Variants in SCYL1 observed in about 807,000 individuals in gnomAD.
The protein encoded by SCYL1 is N-terminal kinase-like protein.
A neutral mutation model predicts 94.8 loss-of-function variants in SCYL1; 85 were observed. That is an observed-to-expected ratio of 0.90 (90% confidence interval 0.75 to 1.07). SCYL1 has a LOEUF of 1.07. SCYL1 is among the 50% of genes least tolerant of loss of function. The pLI is 0.00. For missense variants in SCYL1, 968 were observed against 1,083.3 expected (o/e 0.89, Z 1.49); for synonymous variants, 459 against 435.5 (o/e 1.05, Z -0.67).
chr11:65,526,655 G>T lies in SCYL1; in HGVS notation c.603-128G>T. 1 of 874,838 alleles carries T rather than the reference G, an allele frequency of 1.1e-6. No homozygotes were observed. The highest frequency in any genetic ancestry group is 1.8e-6 in the Non-Finnish European group (1 of 567,770). The allele number at this position is 874,838 out of a possible 1,614,324, so 54.2% of individuals were successfully genotyped here. On this transcript the variant is annotated intron_variant, in intron 4 of 17. Coordinates refer to ENST00000270176, the MANE Select transcript of SCYL1 (RefSeq NM_020680.4). This position sits in a 1 kb window ranked among gnomAD's most constrained non-coding sequence, Gnocchi z 4.1. The stretch of plus-strand genomic sequence containing the variant: ...GTGAGGCTAATGAAACCTGCCTCTT[G>T]GGACTGATGGCTCAGCTGAGGGACA...
At position 65,538,071 on chromosome 11, in the gene SCYL1, G is replaced by A. The variant is rs773118243; in HGVS notation, c.2136G>A (p.Gln712=). 11 of 1,608,594 alleles carry A rather than the reference G, an allele frequency of 6.8e-6. No homozygotes were observed. Among genetic ancestry groups the A allele is most frequent in the Non-Finnish European group, 8.5e-6 (10 of 1,178,088 alleles). Residue 712 remains glutamine (Q), a synonymous_variant, in exon 16 of 18, where the codon CAG becomes CAA. Transcript: ENST00000270176. ...AGGGCTGGCAGGAGCCAAGCTCCCAGGAGCCACCTCCTGACGGTACACGGC... is the reference window on the plus strand; with the variant it reads ...AGGGCTGGCAGGAGCCAAGCTCCCAAGAGCCACCTCCTGACGGTACACGGC... ...WEQGWQEPSS[Q]EPPPDGTRLA... is the part of the protein sequence containing the mutation.
intron 9 of SCYL1, among the ~76,000 whole-genome samples, chr11:65,534,475 T>A (rs534602046): frequency 7.6e-4 from 115 of 151,946 alleles, no homozygotes; most frequent in Non-Finnish European, 1.5e-3. Context: ...AACTGGAAGG[T>A]TAGGAGTTGC....
intron 8 of SCYL1, among the ~76,000 whole-genome samples, chr11:65,532,419 T>C (rs1855426623): frequency 7.4e-6 from 1 of 134,418 alleles, no homozygotes; most frequent in Non-Finnish European, 1.6e-5. Flanking sequence ...AGCAAGACTC[T>C]GTCTCAGAAA....
chr11:65,536,903 T>C (rs1855681242), intron 13 of SCYL1, 83 bp from the exon 14 acceptor site: 3 of 1,229,490 alleles, frequency 2.4e-6, no homozygotes, highest in South Asian at 1.3e-5. Flanking sequence ...TGGTGCCCCT[T>C]CCCCCCAGTA....
rs776706991 is a variant in SCYL1 at position 65,538,488 on chromosome 11, G to A, written c.2349G>A (p.Arg783=). The A allele has an allele frequency of 2.5e-6, 4 of 1,595,816 alleles. No individual in the cohort carries two copies. Among genetic ancestry groups the A allele is most frequent in the East Asian group, 2.3e-5 (1 of 43,930 alleles). ...CCCGGAAGAAGCGCGAGGAGCGGCG[G>A]CGGGAGATGGAGGCCAAACGCGCCG... ...ELARKKREER[R]REMEAKRAER... Residue 783 remains arginine, a synonymous_variant, in exon 18 of 18, where the codon CGG becomes CGA. Coordinates refer to ENST00000270176, the MANE Select transcript of SCYL1 (RefSeq NM_020680.4).
Position 65,526,405 on chromosome 11 carries a change from G to C in SCYL1, c.602+55G>C. ...CTGCCCTGTCCTGGAGGCCCCTGCA[G>C]CCTCAGGACTCCTAGACTAGTTGGC... On this transcript the variant is annotated intron_variant, in intron 4 of 17. Transcript: ENST00000270176. This position sits in a 1 kb window ranked among gnomAD's most constrained non-coding sequence, Gnocchi z 4.1. 1.4e-6 allele frequency: 2 copies of C among 1,398,524 alleles called. No individual in the cohort carries two copies. The highest frequency in any genetic ancestry group is 2.0e-6 in the Non-Finnish European group (2 of 1,021,648). 86.6% of individuals were successfully genotyped at this position (1,398,524 alleles called of 1,614,324 possible). A position where few individuals can be genotyped will look rare whatever the true frequency, so the allele number is the denominator to read the frequency against.
intron 7 of SCYL1, 40 bp from the exon 8 acceptor site, chr11:65,531,536 A>G: frequency 2.0e-6 from 3 of 1,496,196 alleles, no homozygotes; most frequent in Non-Finnish European, 2.8e-6. Flanking sequence ...AAGTCAGCCC[A>G]TTCCTGTGAG....
chr11:65,533,727 C>T (rs901129448), intron 9 of SCYL1, among the ~76,000 whole-genome samples: 9 of 152,062 alleles, frequency 5.9e-5, no homozygotes, highest in Non-Finnish European at 1.3e-4. Context: ...CTGCATTGAG[C>T]TGTGATCGTG....
intron 1 of SCYL1, 44 bp from the exon 2 acceptor site, chr11:65,525,530 A>G: frequency 1.3e-6 from 2 of 1,591,838 alleles, no homozygotes; most frequent in Non-Finnish European, 1.7e-6. Flanking sequence ...TTCCGGCCAC[A>G]CAACAGCTCT....
intron 6 of SCYL1, among the ~76,000 whole-genome samples, chr11:65,530,318 C>T (rs1855301267): frequency 6.6e-6 from 1 of 152,224 alleles, no homozygotes; most frequent in Non-Finnish European, 1.5e-5. Flanking sequence ...TGGCTGCTCT[C>T]CCAGCAACAG....
chr11:65,537,630 A>G (rs1855745461), intron 14 of SCYL1, among the ~76,000 whole-genome samples, 179 bp from the exon 15 acceptor site: 1 of 152,128 alleles, frequency 6.6e-6, no homozygotes, highest in African/African-American at 2.4e-5. Flanking sequence ...CCAGCCTTAA[A>G]GAGGGGTGAG....
intron 6 of SCYL1, among the ~76,000 whole-genome samples, chr11:65,530,100 T>G (rs1190337747): frequency 6.6e-6 from 1 of 152,052 alleles, no homozygotes; most frequent in Non-Finnish European, 1.5e-5. Flanking sequence ...GAGGATGAGG[T>G]CTGGGAGTAA....
chr11:65,530,625 C>G lies in SCYL1; in HGVS notation c.850-4C>G. The G allele has an allele frequency of 1.9e-6, 3 of 1,612,060 alleles. No individual in the cohort carries two copies. Among genetic ancestry groups the G allele is most frequent in the Non-Finnish European group, 2.5e-6 (3 of 1,178,894 alleles). Reference sequence around the variant, plus strand: ...TTCCCCGGGTCCCGTCCTCACTCCCCCAGATCAAAGAGCCAGCCGAGAAGC... The same window carrying G: ...TTCCCCGGGTCCCGTCCTCACTCCCGCAGATCAAAGAGCCAGCCGAGAAGC... On this transcript the variant is annotated splice_polypyrimidine_tract_variant and splice_region_variant and intron_variant, in intron 6 of 17. Transcript: ENST00000270176.
Position 65,536,241 on chromosome 11 carries a change from T to C in SCYL1, c.1576-18T>C, listed in dbSNP as rs1465260803. On this transcript the variant is annotated intron_variant, in intron 11 of 17. Coordinates refer to ENST00000270176, the MANE Select transcript of SCYL1 (RefSeq NM_020680.4). ...TTGGGAACCCCAGAGACCCCAGCTC[T>C]GCCTCGTTACCCCACAGGCCTTCAA... 6.2e-7 allele frequency: 1 copy of C among 1,612,334 alleles called. No homozygotes were observed. Among genetic ancestry groups the C allele is most frequent in the East Asian group, 2.2e-5 (1 of 44,818 alleles).
rs757610725 is a variant in SCYL1, at chr11:65,538,510, G to T, written c.2371G>T (p.Ala791Ser). Residue 791 changes from alanine (A) to serine (S), a missense_variant, in exon 18 of 18, where the codon GCC (alanine) becomes TCC (serine). Transcript: ENST00000270176. ...GCGGCGGGAGATGGAGGCCAAACGC[G>T]CCGAGAGGAAGGTGGCCAAGGGCCC... ...ERRREMEAKR[A>S]ERKVAKGPMK... 6.2e-7 allele frequency: 1 copy of T among 1,608,074 alleles called. No individual in the cohort carries two copies. Among genetic ancestry groups the T allele is most frequent in the East Asian group, 2.2e-5 (1 of 44,640 alleles).
intron 14 of SCYL1, 30 bp from the exon 15 acceptor site, chr11:65,537,779 G>T (rs1372755538): frequency 6.6e-7 from 1 of 1,526,656 alleles, no homozygotes; most frequent in Non-Finnish European, 8.8e-7. Flanking sequence ...AGCATGGGGT[G>T]GGAGTCAGTG....
Position 65,537,867 on chromosome 11 carries a change from G to A in SCYL1, c.2018G>A (p.Ser673Asn). The A allele has an allele frequency of 6.3e-7, 1 of 1,577,248 alleles. No homozygotes were observed. Among genetic ancestry groups the A allele is most frequent in the Non-Finnish European group, 8.6e-7 (1 of 1,161,224 alleles). ...GACTGGAGCACCGGGGGCCAAGTGA[G>A]CCGTGCTAGTCAGGTGAGCTGGGTC... is the stretch of plus-strand genomic sequence containing the variant. ...QDDWSTGGQV[S>N]RASQVSNSDH... Residue 673 changes from serine (S) to asparagine (N), a missense_variant, in exon 15 of 18, where the codon AGC becomes AAC. Physicochemically the swap from Ser to Asn is conservative, Grantham distance 46. This residue lies in a region of SCYL1 where 474 missense variants were observed against 463.6 expected (regional missense o/e 1.02). Coordinates refer to ENST00000270176, the MANE Select transcript of SCYL1 (RefSeq NM_020680.4).
In SCYL1 at chr11:65,535,994, T is replaced by C. The variant is rs1482974379; in HGVS notation, c.1428T>C (p.Thr476=). ...TTACCTCTGCCTTCAGCCGAGCCAC[T>C]AGGGACCCGTTTGCACCGTCCCGGG... ...RVLTSAFSRA[T]RDPFAPSRVA... Residue 476 remains threonine (T), a synonymous_variant, in exon 11 of 18, where the codon ACT becomes ACC. Transcript: ENST00000270176. 6 of 1,612,134 alleles carry C rather than the reference T, an allele frequency of 3.7e-6. No homozygotes were observed. The highest frequency in any genetic ancestry group is 3.4e-5 in the Admixed American group (2 of 59,610).
chr11:65,525,427 G>A (rs1043821525), intron 1 of SCYL1, 147 bp from the exon 2 acceptor site: 1 of 1,120,862 alleles, frequency 8.9e-7, no homozygotes, highest in Non-Finnish European at 1.2e-6. Context: ...GAGGGACCGA[G>A]GGACCGACAG....
Sources: gnomAD v4.1 joint callset for allele counts (sites outside exome capture counted in the v4.1 genomes callset) on GRCh38, gnomAD v4.1.1 for gene constraint, gnomAD v4.1.1 regional missense constraint, Gnocchi (gnomAD v3.1) non-coding constraint, MANE v1.5 for transcripts, NCBI Gene and HGNC (gene_info 2026-07-23, HGNC 2026-07-21) for gene names.